The following MVB12B variants were observed in gnomAD, a reference collection of about 807,000 sequenced individuals.
MVB12B encodes ESCRT-I complex subunit MVB12B.
Under a neutral mutation model 41.6 loss-of-function variants are expected in MVB12B, and 16 were observed. That is an observed-to-expected ratio of 0.38 (90% CI 0.26 to 0.58). The LOEUF (loss-of-function observed/expected upper bound fraction) is 0.58, where lower values mean the gene tolerates loss of function less well. Ranked by LOEUF, MVB12B falls within the 20% of genes least tolerant of loss-of-function variation. MVB12B has a pLI of 0.62. For synonymous variants in MVB12B, 133 were observed against 139.7 expected, an observed-to-expected ratio of 0.95 and a Z score of 0.34; for missense variants, 274 against 380.2, an observed-to-expected ratio of 0.72 and a Z score of 2.32.
chr9:126,404,077 C>G lies in MVB12B; in HGVS notation c.662+8380C>G, dbSNP rs538398909. On this transcript the variant is annotated intron_variant, in intron 6 of 9. Transcript: ENST00000361171. ...CAAGCAGTTCTCCCACCTCAGCCTC[C>G]CAAGTAGCTGGGACTACAAACATGT... Among the ~76,000 whole-genome samples, 360 of 151,786 alleles carry G rather than the reference C, an allele frequency of 2.4e-3. 2 individuals are homozygous for G. The highest frequency in any genetic ancestry group is 8.3e-3 in the African/African-American group (345 of 41,338).
rs59801697 is a variant in MVB12B, at chr9:126,333,843, TTCCATCCATCCA to T, written c.82-6631_82-6620del. Among the ~76,000 whole-genome samples, 49 of 149,780 alleles carry T rather than the reference TTCCATCCATCCA, an allele frequency of 3.3e-4. 1 individual carries two copies. The highest frequency in any genetic ancestry group is 1.1e-3 in the South Asian group (5 of 4,672). The stretch of plus-strand genomic sequence containing the variant: ...CCATGGAAGATTACCTTTAGGTTCA[TTCCATCCATCCA>T]TCCATCCATCCATCCATCCATCCAT... On this transcript the variant is annotated intron_variant, in intron 1 of 9. Coordinates refer to ENST00000361171, the MANE Select transcript of MVB12B (RefSeq NM_033446.3). This position sits in a 1 kb window ranked among gnomAD's most constrained non-coding sequence, Gnocchi z 4.7.
rs139227977 is a variant in MVB12B, at chr9:126,408,955, C to T, written c.663-12899C>T. ...TTCCCCTCCCCAAGGACACCTGTCC[C>T]GCAGCGCCCACCTTCTCGAGTCCTA... On this transcript the variant is annotated intron_variant, in intron 6 of 9. Coordinates refer to ENST00000361171, the MANE Select transcript of MVB12B (RefSeq NM_033446.3). Among the ~76,000 whole-genome samples, 428 of 152,172 alleles carry T rather than the reference C, an allele frequency of 2.8e-3. 2 individuals are homozygous for T. The highest frequency in any genetic ancestry group is 9.6e-3 in the African/African-American group (397 of 41,500).
At chr9:126,402,567 C>T (rs567968457) in intron 6 of MVB12B, among the ~76,000 whole-genome samples, 26 of 152,182 alleles carry the variant, frequency 1.7e-4, no homozygotes, top group African/African-American at 4.8e-4. Flanking sequence ...CACTTGAGCC[C>T]GGAAATCAAG....
chr9:126,398,198 C>A (rs1451004725), intron 6 of MVB12B, among the ~76,000 whole-genome samples: 1 of 151,798 alleles, frequency 6.6e-6, no homozygotes, highest in African/African-American at 2.4e-5. Flanking sequence ...GCTGGGTCTT[C>A]TTCTGTGAGC....
chr9:126,340,730 C>T lies in MVB12B; in HGVS notation c.204+100C>T. The T allele has an allele frequency of 7.1e-7, 1 of 1,406,066 alleles. No individual in the cohort carries two copies. The highest frequency in any genetic ancestry group is 9.8e-7 in the Non-Finnish European group (1 of 1,021,106). The allele number at this position is 1,406,066 out of a possible 1,614,324, so 87.1% of individuals were successfully genotyped here. On this transcript the variant is annotated intron_variant, in intron 2 of 9. Transcript: ENST00000361171. This position sits in a 1 kb window ranked among gnomAD's most constrained non-coding sequence, Gnocchi z 4.0. ...TGGCCCTTGCGTGTAAGATGTGCTT[C>T]TTCCCTCTAGGAACTTAATCCAGGG...
chr9:126,403,112 T>C (rs529351348), intron 6 of MVB12B, among the ~76,000 whole-genome samples: 1 of 152,356 alleles, frequency 6.6e-6, no homozygotes, highest in African/African-American at 2.4e-5. Context: ...CCTTAAAGTC[T>C]GTGGTGACCT....
chr9:126,430,929 G>T lies in MVB12B; in HGVS notation c.757+8981G>T, dbSNP rs76029505. Among the ~76,000 whole-genome samples the T allele has an allele frequency of 7.3e-3, 1,117 of 152,324 alleles. 12 individuals are homozygous for T. The highest frequency in any genetic ancestry group is 0.045 in the East Asian group (235 of 5,178). On this transcript the variant is annotated intron_variant, in intron 7 of 9. Coordinates refer to ENST00000361171, the MANE Select transcript of MVB12B (RefSeq NM_033446.3). ...TGCAGTAATGCCCGTTTCCTTCCTGGATTGTTGTGAAGATCTAGGGTAGGT... is the reference window on the plus strand; with the variant it reads ...TGCAGTAATGCCCGTTTCCTTCCTGTATTGTTGTGAAGATCTAGGGTAGGT...
chr9:126,442,206 C>G (rs1395869716), intron 7 of MVB12B, among the ~76,000 whole-genome samples: 1 of 152,172 alleles, frequency 6.6e-6, no homozygotes, highest in Non-Finnish European at 1.5e-5. Context: ...GTGCAGTTTA[C>G]AGTTCTTCAG....
In MVB12B at chr9:126,486,010, T is replaced by C. The variant is rs1164163433; in HGVS notation, c.873+1978T>C. Among the ~76,000 whole-genome samples the C allele has an allele frequency of 6.6e-6, 1 of 152,078 alleles. No homozygotes were observed. The highest frequency in any genetic ancestry group is 1.5e-5 in the Non-Finnish European group (1 of 68,014). On this transcript the variant is annotated intron_variant, in intron 9 of 9. Transcript: ENST00000361171. This position sits in a 1 kb window ranked among gnomAD's most constrained non-coding sequence, Gnocchi z 4.7. Reference sequence around the variant, plus strand: ...TGGGGTTTTCTCTTGTGTACCCAGCTAGCAGAAGCCGGCTGCATTATTGAA... The same window carrying C: ...TGGGGTTTTCTCTTGTGTACCCAGCCAGCAGAAGCCGGCTGCATTATTGAA...
intron 6 of MVB12B, among the ~76,000 whole-genome samples, chr9:126,417,876 A>G (rs538842660): frequency 3.9e-4 from 60 of 152,174 alleles, no homozygotes; most frequent in Non-Finnish European, 7.3e-4. Flanking sequence ...ATCTTGAAGT[A>G]TGAATAGGAG....
rs1407884442 is a variant in MVB12B at position 126,503,286 on chromosome 9, G to A, written c.*23G>A. The stretch of plus-strand genomic sequence containing the variant: ...TGAGGAGCCAGCGGCCACCTGCGGG[G>A]AGACCACCGCCGCCCAGACTACTGA... On this transcript the variant is annotated 3_prime_UTR_variant, in exon 10 of 10. Transcript: ENST00000361171. The A allele has an allele frequency of 1.3e-6, 2 of 1,544,076 alleles. No homozygotes were observed. Among genetic ancestry groups the A allele is most frequent in the Non-Finnish European group, 1.8e-6 (2 of 1,141,914 alleles).
At chr9:126,470,532 G>C (rs937478512) in intron 7 of MVB12B, among the ~76,000 whole-genome samples, 1 of 152,146 alleles carries the variant, frequency 6.6e-6, no homozygotes, top group Non-Finnish European at 1.5e-5. Flanking sequence ...GAGGAGGTGG[G>C]GGGGCTGGTG....
At chr9:126,443,866 T>C (rs993847323) in intron 7 of MVB12B, among the ~76,000 whole-genome samples, 11 of 152,388 alleles carry the variant, frequency 7.2e-5, no homozygotes, top group African/African-American at 2.6e-4. Context: ...CTTGCCTCCA[T>C]TTCCGGCCCT....
intron 7 of MVB12B, among the ~76,000 whole-genome samples, chr9:126,424,666 C>G (rs531924311): frequency 3.9e-5 from 6 of 152,356 alleles, no homozygotes; most frequent in African/African-American, 1.4e-4. Flanking sequence ...AATTTGCCAG[C>G]TGTTCTACAC....
chr9:126,438,970 G>A (rs1399803940), intron 7 of MVB12B, among the ~76,000 whole-genome samples: 2 of 152,018 alleles, frequency 1.3e-5, no homozygotes, highest in Admixed American at 6.6e-5. Flanking sequence ...GATAGTTCTG[G>A]TCCGCCTCAT....
intron 7 of MVB12B, among the ~76,000 whole-genome samples, chr9:126,422,222 C>T (rs1440130935): frequency 1.3e-5 from 2 of 152,120 alleles, no homozygotes; most frequent in Non-Finnish European, 2.9e-5. Context: ...AGAGAATACT[C>T]GCCACATTGT....
chr9:126,407,226 A>G (rs1254910856), intron 6 of MVB12B, among the ~76,000 whole-genome samples: 3 of 152,084 alleles, frequency 2.0e-5, no homozygotes, highest in African/African-American at 7.2e-5. Context: ...TATGCCTTTC[A>G]CCCAAAAAGC....
chr9:126,487,549 CA>C (rs1312062435), intron 9 of MVB12B, among the ~76,000 whole-genome samples: 1 of 152,202 alleles, frequency 6.6e-6, no homozygotes, highest in African/African-American at 2.4e-5. Flanking sequence ...CACCTGAGGT[CA>C]GGAGTTTGAG....
intron 2 of MVB12B, among the ~76,000 whole-genome samples, chr9:126,378,208 C>T (rs576571052): frequency 5.3e-5 from 8 of 152,348 alleles, no homozygotes; most frequent in African/African-American, 1.4e-4. Flanking sequence ...GCCAGGTGGG[C>T]GTGGGCACTG....
Sources: allele counts gnomAD v4.1 joint callset (sites outside exome capture counted in the v4.1 genomes callset), GRCh38; gene constraint gnomAD v4.1.1; non-coding constraint Gnocchi (gnomAD v3.1); transcripts MANE v1.5; gene names NCBI Gene and HGNC (gene_info 2026-07-23, HGNC 2026-07-21).